Variants in CDC42SE2 observed in about 807,000 individuals in gnomAD.
The protein encoded by CDC42SE2 is CDC42 small effector protein 2.
CDC42SE2 carries 3 observed loss-of-function variants against 11.5 expected under a neutral mutation model. The ratio of observed to expected loss-of-function variants is 0.26; its 90% CI spans 0.12 to 0.67. CDC42SE2 has a LOEUF of 0.67. Among genes scored for constraint, CDC42SE2 ranks in the 30% least tolerant of loss-of-function variants. The pLI, the probability that CDC42SE2 is intolerant of heterozygous loss-of-function variation, is 0.80. For synonymous variants in CDC42SE2, 33 were observed against 34.8 expected, an observed-to-expected ratio of 0.95 and a Z score of 0.18; for missense variants, 82 against 106.8, an observed-to-expected ratio of 0.77 and a Z score of 1.02.
the CDC42SE2 span, among the ~76,000 whole-genome samples, chr5:131,219,123 TTTTA>T: frequency 0.03 from 4,583 of 152,132 alleles, 221 homozygotes; most frequent in African/African-American, 0.1. Context: ...ATTTGTCTGC[TTTTA>T]TTTGTTATAA....
At chr5:131,252,059 TGGAAGGAAGGAAGGAA>T (rs60052435) in intron 1 of CDC42SE2, among the ~76,000 whole-genome samples, 55 of 118,090 alleles carry the variant, frequency 4.7e-4, no homozygotes, top group East Asian at 2.0e-3. Flanking sequence ...AGAGAATGAG[TGGAAGGAAGGAAGGAA>T]GGAAGGAAGG....
chr5:131,262,309 G>A (rs752621305), upstream of CDC42SE2, among the ~76,000 whole-genome samples: 20 of 151,644 alleles, frequency 1.3e-4, no homozygotes, highest in Non-Finnish European at 2.8e-4. Context: ...TCAAGTAAAT[G>A]GTCATCACTG....
intron 3 of CDC42SE2, among the ~76,000 whole-genome samples, chr5:131,366,917 A>G (rs907695131): frequency 5.3e-5 from 8 of 151,860 alleles, no homozygotes; most frequent in East Asian, 3.9e-4. Flanking sequence ...AGGCCCAGCT[A>G]CTCGGGAGGC....
At chr5:131,251,213 G>A (rs1008105013) in intron 1 of CDC42SE2, among the ~76,000 whole-genome samples, 3 of 152,156 alleles carry the variant, frequency 2.0e-5, no homozygotes, top group African/African-American at 7.2e-5. Flanking sequence ...TATGAAAGTA[G>A]AACTGAAATG....
the CDC42SE2 span, among the ~76,000 whole-genome samples, chr5:131,217,381 G>C: frequency 9.7e-4 from 148 of 152,286 alleles, 1 homozygote; most frequent in African/African-American, 3.5e-3. Flanking sequence ...TGGCAATTTA[G>C]AGCATTCCAA....
intron 1 of CDC42SE2, among the ~76,000 whole-genome samples, chr5:131,312,691 T>G (rs1035715331): frequency 6.6e-6 from 1 of 152,022 alleles, no homozygotes; most frequent in African/African-American, 2.4e-5. Context: ...TGGGTGGGAG[T>G]GACCCGATTT....
chr5:131,295,510 G>A (rs1457109520), intron 1 of CDC42SE2, among the ~76,000 whole-genome samples: 1 of 152,062 alleles, frequency 6.6e-6, no homozygotes, highest in Non-Finnish European at 1.5e-5. Context: ...TTAACAAAAG[G>A]TTCAGAATGT....
intron 1 of CDC42SE2, among the ~76,000 whole-genome samples, chr5:131,310,908 C>CTG (rs1269323919): frequency 8.7e-4 from 132 of 151,788 alleles, no homozygotes; most frequent in African/African-American, 3.0e-3. Flanking sequence ...ATTTGCCAGT[C>CTG]TGTCTTTTAA....
At chr5:131,298,069 A>G (rs1304083784) in intron 1 of CDC42SE2, among the ~76,000 whole-genome samples, 2 of 151,842 alleles carry the variant, frequency 1.3e-5, no homozygotes, top group African/African-American at 2.4e-5. Flanking sequence ...AGTGGGTTAG[A>G]GTAATGTGCT....
intron 1 of CDC42SE2, among the ~76,000 whole-genome samples, chr5:131,298,853 T>G (rs1301817216): frequency 2.0e-5 from 3 of 152,172 alleles, no homozygotes; most frequent in Non-Finnish European, 4.4e-5. Flanking sequence ...GGACTAAGTT[T>G]CTCCCATTAT....
At chr5:131,366,562 TG>T (rs1179785960) in intron 3 of CDC42SE2, among the ~76,000 whole-genome samples, 1 of 152,192 alleles carries the variant, frequency 6.6e-6, no homozygotes, top group Non-Finnish European at 1.5e-5. Context: ...TTTTTTTGTT[TG>T]TTTTTTTGTT....
chr5:131,221,792 T>C, the CDC42SE2 span, among the ~76,000 whole-genome samples: 3 of 152,148 alleles, frequency 2.0e-5, no homozygotes, highest in African/African-American at 7.2e-5. Flanking sequence ...GAATTCTTCT[T>C]TCTCATTTTT....
chr5:131,301,587 GTC>G (rs1473871955), intron 1 of CDC42SE2, among the ~76,000 whole-genome samples: 1 of 151,916 alleles, frequency 6.6e-6, no homozygotes, highest in Non-Finnish European at 1.5e-5. Context: ...GTGATACCCT[GTC>G]TCTACTAAAA....
At chr5:131,227,783 G>A in the CDC42SE2 span, among the ~76,000 whole-genome samples, 3 of 152,218 alleles carry the variant, frequency 2.0e-5, no homozygotes, top group Admixed American at 6.5e-5. Flanking sequence ...AGTGGCTCAC[G>A]CCTGTAATCT....
the CDC42SE2 span, among the ~76,000 whole-genome samples, chr5:131,234,694 T>C: frequency 2.0e-3 from 309 of 151,808 alleles, 1 homozygote; most frequent in African/African-American, 7.3e-3. Context: ...AGATTTGTTA[T>C]GGGAATTGGC....
chr5:131,262,518 AC>A (rs1756752697), upstream of CDC42SE2, among the ~76,000 whole-genome samples: 1 of 152,144 alleles, frequency 6.6e-6, no homozygotes, highest in African/African-American at 2.4e-5. Context: ...GTTGAACAAA[AC>A]AGACAAAAAT....
chr5:131,271,501 G>A (rs1756994716), intron 1 of CDC42SE2, among the ~76,000 whole-genome samples: 1 of 152,134 alleles, frequency 6.6e-6, no homozygotes, highest in Admixed American at 6.6e-5. Context: ...TATACAGGTG[G>A]ATGTGCCTAG....
intron 1 of CDC42SE2, among the ~76,000 whole-genome samples, chr5:131,254,313 G>A (rs989322147): frequency 1.3e-5 from 2 of 152,052 alleles, no homozygotes; most frequent in South Asian, 4.1e-4. Context: ...AGCCTGACGC[G>A]GGTGGATCAC....
chr5:131,243,265 G>T (rs971213333), upstream of CDC42SE2, among the ~76,000 whole-genome samples: 1 of 152,174 alleles, frequency 6.6e-6, no homozygotes, highest in African/African-American at 2.4e-5. Context: ...TTAATGTTTT[G>T]CTATTGCCAA....
Sources: allele counts gnomAD v4.1 joint callset (sites outside exome capture counted in the v4.1 genomes callset), GRCh38; gene constraint gnomAD v4.1.1; transcripts MANE v1.5; gene names NCBI Gene and HGNC (gene_info 2026-07-23, HGNC 2026-07-21).